PCDH15: variants seen among roughly 807,000 people sequenced by gnomAD.
The protein encoded by PCDH15 is protocadherin-15.
A neutral mutation model predicts 178.5 loss-of-function variants in PCDH15; 129 were observed. The observed-to-expected ratio is 0.72, with a 90% CI of 0.63 to 0.84. The LOEUF is 0.84. Ranked by LOEUF, PCDH15 falls within the 40% of genes least tolerant of loss-of-function variation. The pLI, the probability that PCDH15 is intolerant of heterozygous loss-of-function variation, is 0.00. For synonymous variants in PCDH15, 800 were observed against 732.0 expected (o/e 1.09, Z -1.50); for missense variants, 2,230 against 2,099.9 (o/e 1.06, Z -1.21).
chr10:54,904,692 C>T (rs1159273585), intron 2 of PCDH15, among the ~76,000 whole-genome samples: 1 of 151,782 alleles, frequency 6.6e-6, no homozygotes, highest in African/African-American at 2.4e-5. Context: ...AATAAACTAC[C>T]AATCAGGCAA....
chr10:55,293,060 T>C (rs912983659), intron 1 of PCDH15, among the ~76,000 whole-genome samples: 2 of 152,180 alleles, frequency 1.3e-5, no homozygotes, highest in Non-Finnish European at 2.9e-5. Flanking sequence ...TGCCTGGGCA[T>C]CCAGGCATTT....
intron 23 of PCDH15, among the ~76,000 whole-genome samples, chr10:53,954,779 C>T (rs1019201453): frequency 2.6e-5 from 4 of 152,090 alleles, no homozygotes. Flanking sequence ...CTGAGATTTG[C>T]TTTGAATTAA....
intron 2 of PCDH15, among the ~76,000 whole-genome samples, chr10:55,019,333 G>C (rs1375498904): frequency 1.3e-5 from 2 of 151,912 alleles, no homozygotes; most frequent in Non-Finnish European, 2.9e-5. Flanking sequence ...TTGAACTCAT[G>C]TGTTTTTGTT....
chr10:55,106,923 C>G (rs1175614190), intron 2 of PCDH15, among the ~76,000 whole-genome samples: 1 of 152,122 alleles, frequency 6.6e-6, no homozygotes, highest in African/African-American at 2.4e-5. Flanking sequence ...GGAGAGGAAA[C>G]AGAAAATTCT....
intron 2 of PCDH15, among the ~76,000 whole-genome samples, chr10:55,557,746 G>A (rs1842118776): frequency 6.6e-6 from 1 of 152,128 alleles, no homozygotes; most frequent in Non-Finnish European, 1.5e-5. Flanking sequence ...CCGAAGGACA[G>A]AAGTCAGAAA....
At chr10:54,618,684 C>T (rs1368524173) in intron 2 of PCDH15, among the ~76,000 whole-genome samples, 1 of 151,892 alleles carries the variant, frequency 6.6e-6, no homozygotes, top group East Asian at 1.9e-4. Context: ...GCGTGTGTGG[C>T]TATGTGGGCA....
chr10:54,182,130 T>A (rs2048043901), intron 13 of PCDH15, among the ~76,000 whole-genome samples: 1 of 152,202 alleles, frequency 6.6e-6, no homozygotes, highest in African/African-American at 2.4e-5. Flanking sequence ...GCTAATTTTT[T>A]TAAAAATTTT....
intron 2 of PCDH15, among the ~76,000 whole-genome samples, chr10:54,536,135 A>G (rs1323877952): frequency 2.6e-5 from 4 of 152,208 alleles, no homozygotes; most frequent in Non-Finnish European, 2.9e-5. Flanking sequence ...GGTTAAGAAC[A>G]TAGCCTTTGA....
chr10:53,820,113 A>G (rs949154551), intron 33 of PCDH15, 52 bp downstream of exon 33: 7 of 396,426 alleles, frequency 1.8e-5, no homozygotes, highest in Non-Finnish European at 3.1e-5. Flanking sequence ...TGGTGTAGAT[A>G]TTAGCTTAGA....
chr10:54,428,493 G>T (rs1480805929), intron 3 of PCDH15, among the ~76,000 whole-genome samples: 1 of 152,144 alleles, frequency 6.6e-6, no homozygotes, highest in Non-Finnish European at 1.5e-5. Context: ...GTACCTTCAC[G>T]TGGTAAATCT....
chr10:55,555,060 T>C (rs1842065575), intron 2 of PCDH15, among the ~76,000 whole-genome samples: 1 of 152,076 alleles, frequency 6.6e-6, no homozygotes, highest in African/African-American at 2.4e-5. Flanking sequence ...ATTTCCATAA[T>C]TAATAAAGTA....
At chr10:55,100,521 C>A (rs1842552018) in intron 2 of PCDH15, among the ~76,000 whole-genome samples, 1 of 152,072 alleles carries the variant, frequency 6.6e-6, no homozygotes, top group Non-Finnish European at 1.5e-5. Context: ...AAACACATGG[C>A]ACCAGCATCT....
intron 3 of PCDH15, among the ~76,000 whole-genome samples, chr10:54,526,952 T>C (rs2083418940): frequency 6.6e-6 from 1 of 152,150 alleles, no homozygotes; most frequent in Non-Finnish European, 1.5e-5. Context: ...ATAAGGCAAC[T>C]GACAATTATT....
chr10:54,929,995 C>T (rs1381610382), intron 2 of PCDH15, among the ~76,000 whole-genome samples: 1 of 152,144 alleles, frequency 6.6e-6, no homozygotes, highest in Admixed American at 6.5e-5. Context: ...TGTTTTCTAA[C>T]TAAGAGCAGC....
In PCDH15 at chr10:53,827,450, G is replaced by T; in HGVS notation, c.4310C>A (p.Pro1437Gln). 2 of 1,613,408 alleles carry T rather than the reference G, an allele frequency of 1.2e-6. No individual in the cohort carries two copies. The highest frequency in any genetic ancestry group is 1.3e-5 in the African/African-American group (1 of 75,046). ...PAPAPVAAPP[P>Q]PPPPPPGAHL... is the part of the protein sequence containing the mutation. ...CGCACCTGGCGGAGGCGGCGGCGGC[G>T]GCGGGGGCGCTGCCACTGGTGCAGG... is the stretch of plus-strand genomic sequence containing the variant. The change falls in exon 32 of 38, where the codon CCG becomes CAG. Residue 1437 changes from proline (P) to glutamine (Q), a missense_variant. By Grantham distance (76) the Pro-to-Gln change is moderately conservative. Transcript: ENST00000644397.
chr10:54,485,858 G>C (rs1163612650), intron 3 of PCDH15, among the ~76,000 whole-genome samples: 1 of 152,020 alleles, frequency 6.6e-6, no homozygotes, highest in Non-Finnish European at 1.5e-5. Context: ...TGGCAACAAA[G>C]AACTTGAATA....
chr10:54,891,922 C>T (rs556599197), intron 3 of PCDH15, among the ~76,000 whole-genome samples: 6 of 152,066 alleles, frequency 3.9e-5, no homozygotes, highest in African/African-American at 1.2e-4. Flanking sequence ...TGTAGAGACT[C>T]TGACTTCAGA....
At chr10:54,417,748 A>T (rs1954650282) in intron 3 of PCDH15, among the ~76,000 whole-genome samples, 1 of 152,170 alleles carries the variant, frequency 6.6e-6, no homozygotes, top group South Asian at 2.1e-4. Context: ...CTACTAATTC[A>T]TTTCTAAGTA....
chr10:55,351,348 C>A (rs1844927663), intron 2 of PCDH15, among the ~76,000 whole-genome samples: 1 of 151,892 alleles, frequency 6.6e-6, no homozygotes, highest in African/African-American at 2.4e-5. Flanking sequence ...TTATCTCATA[C>A]TTTTCAACTG....
Sources: gnomAD v4.1 joint callset for allele counts (sites outside exome capture counted in the v4.1 genomes callset) on GRCh38, gnomAD v4.1.1 for gene constraint, MANE v1.5 for transcripts, NCBI Gene and HGNC (gene_info 2026-07-23, HGNC 2026-07-21) for gene names.